Variants in CALB1 observed in about 807,000 individuals in gnomAD.
CALB1 encodes calbindin 1.
In CALB1, 16 loss-of-function variants were observed where a neutral mutation model predicts 46.7. The ratio of observed to expected loss-of-function variants is 0.34; its 90% CI spans 0.23 to 0.52. The LOEUF is 0.52. Ranked by LOEUF, CALB1 falls within the 20% of genes least tolerant of loss-of-function variation. The probability of loss-of-function intolerance (pLI) is 0.95; values close to 1 mark genes in which losing one functional copy is unlikely to be tolerated. For synonymous variants in CALB1, 90 were observed against 112.8 expected (o/e 0.80, Z 1.28); for missense variants, 224 against 300.3 (o/e 0.75, Z 1.88).
chr8:90,063,706 G>T, intron 6 of CALB1: 1 of 434,430 alleles, frequency 2.3e-6, no homozygotes, highest in Non-Finnish European at 4.1e-6. Flanking sequence ...TATGTTTCTA[G>T]AATACTGTCA....
intron 2 of CALB1, 22 bp from the exon 3 acceptor site, chr8:90,078,469 T>C (rs1814659563): frequency 7.1e-7 from 1 of 1,404,852 alleles, no homozygotes; most frequent in Non-Finnish European, 9.9e-7. Context: ...TAAAAGCAGG[T>C]AGGAGGTTTG....
At chr8:90,071,816 C>T (rs1335801796) in intron 3 of CALB1, among the ~76,000 whole-genome samples, 1 of 152,096 alleles carries the variant, frequency 6.6e-6, no homozygotes, top group Non-Finnish European at 1.5e-5. Flanking sequence ...AAATAGCTAA[C>T]CCCAACTCGT....
chr8:90,060,558 G>T, intron 10 of CALB1, 71 bp downstream of exon 10: 3 of 1,148,118 alleles, frequency 2.6e-6, no homozygotes, highest in Non-Finnish European at 3.9e-6. Flanking sequence ...TTCCAAAATG[G>T]ATGTGCTGTT....
chr8:90,067,629 C>T (rs116646571), intron 5 of CALB1, among the ~76,000 whole-genome samples: 284 of 152,186 alleles, frequency 1.9e-3, no homozygotes, highest in Middle Eastern at 6.8e-3. Context: ...CAAATGTCCC[C>T]GTTCCATCTT....
At position 90,060,018 on chromosome 8, in the gene CALB1, G is replaced by A; in HGVS notation, c.*155C>T. On this transcript the variant is annotated 3_prime_UTR_variant, in exon 11 of 11. Transcript: ENST00000265431. ...AAAACTGTATATTACAAACAGTATAGAAACAAGCTGAAAAGAATGAGCCAC... is the reference window on the plus strand; with the variant it reads ...AAAACTGTATATTACAAACAGTATAAAAACAAGCTGAAAAGAATGAGCCAC... 2 of 603,612 alleles carry A rather than the reference G, an allele frequency of 3.3e-6. No homozygotes were observed. Among genetic ancestry groups the A allele is most frequent in the Non-Finnish European group, 5.9e-6 (2 of 338,266 alleles). The allele number at this position is 603,612 out of a possible 1,614,324, so 37.4% of individuals were successfully genotyped here. A position where few individuals can be genotyped will look rare whatever the true frequency, so the allele number is the denominator to read the frequency against.
At chr8:90,080,566 T>C (rs1298718741) in intron 2 of CALB1, among the ~76,000 whole-genome samples, 3 of 151,966 alleles carry the variant, frequency 2.0e-5, no homozygotes, top group Non-Finnish European at 2.9e-5. Context: ...CAGTATTGCA[T>C]AAATTTATTT....
chr8:90,070,265 A>G (rs1814486249), intron 3 of CALB1, among the ~76,000 whole-genome samples: 1 of 152,120 alleles, frequency 6.6e-6, no homozygotes, highest in Admixed American at 6.5e-5. Flanking sequence ...TAATGAATCT[A>G]CACACACTAT....
Position 90,082,748 on chromosome 8 carries a change from C to A in CALB1, c.-51G>T. 6.5e-7 allele frequency: 1 copy of A among 1,541,088 alleles called. No homozygotes were observed. Among genetic ancestry groups the A allele is most frequent in the Non-Finnish European group, 9.0e-7 (1 of 1,114,086 alleles). On this transcript the variant is annotated 5_prime_UTR_variant, in exon 1 of 11. Coordinates refer to ENST00000265431, the MANE Select transcript of CALB1 (RefSeq NM_004929.4). Reference sequence around the variant, plus strand: ...GTGTGAATATGCGTGTGTCTGTGTCCGCGCGAGGGGGAGTGAGCAAAAGCT... The same window carrying A: ...GTGTGAATATGCGTGTGTCTGTGTCAGCGCGAGGGGGAGTGAGCAAAAGCT...
Position 90,082,717 on chromosome 8 carries a change from C to G in CALB1, c.-20G>C, listed in dbSNP as rs1390627562. The G allele has an allele frequency of 6.2e-7, 1 of 1,608,568 alleles. No individual in the cohort carries two copies. The highest frequency in any genetic ancestry group is 8.5e-7 in the Non-Finnish European group (1 of 1,175,104). On this transcript the variant is annotated 5_prime_UTR_variant, in exon 1 of 11. Coordinates refer to ENST00000265431, the MANE Select transcript of CALB1 (RefSeq NM_004929.4). ...TGCCATTGTACAGCGGGGTGTGTGTCTGGGTGTGTGAATATGCGTGTGTCT... is the reference window on the plus strand; with the variant it reads ...TGCCATTGTACAGCGGGGTGTGTGTGTGGGTGTGTGAATATGCGTGTGTCT...
chr8:90,078,716 G>A (rs969097822), intron 2 of CALB1, among the ~76,000 whole-genome samples: 14 of 152,064 alleles, frequency 9.2e-5, no homozygotes, highest in African/African-American at 3.1e-4. Flanking sequence ...CTTTGAAAGT[G>A]TAGTCAGAAT....
At chr8:90,063,492 T>C (rs1341662854) in intron 6 of CALB1, 31 bp from the exon 7 acceptor site, 3 of 1,569,070 alleles carry the variant, frequency 1.9e-6, no homozygotes, top group Non-Finnish European at 2.6e-6. Context: ...ATTCTAGCTA[T>C]TTGAGGAATA....
chr8:90,074,710 G>A (rs899791812), intron 3 of CALB1, among the ~76,000 whole-genome samples: 1 of 152,130 alleles, frequency 6.6e-6, no homozygotes, highest in African/African-American at 2.4e-5. Flanking sequence ...TCCCTGGGAG[G>A]GTTGTTACAG....
intron 3 of CALB1, among the ~76,000 whole-genome samples, chr8:90,072,608 C>T (rs1291380756): frequency 3.3e-5 from 5 of 152,076 alleles, no homozygotes; most frequent in Non-Finnish European, 7.4e-5. Flanking sequence ...TGTTGTCTCT[C>T]GGTTCTTCTC....
rs759346303 is a variant in CALB1 at position 90,063,171 on chromosome 8, A to C, written c.547-18T>G. The C allele has an allele frequency of 6.3e-7, 1 of 1,588,168 alleles. No individual in the cohort carries two copies. Among genetic ancestry groups the C allele is most frequent in the Non-Finnish European group, 8.6e-7 (1 of 1,157,730 alleles). ...TTGATTCCCTAAAGATAGAGAAGAGAGTAAATGTTAAAATGTTATTACTAT... is the reference window on the plus strand; with the variant it reads ...TTGATTCCCTAAAGATAGAGAAGAGCGTAAATGTTAAAATGTTATTACTAT... On this transcript the variant is annotated intron_variant, in intron 8 of 10. Transcript: ENST00000265431.
chr8:90,082,719 G>C lies in CALB1; in HGVS notation c.-22C>G. Reference sequence around the variant, plus strand: ...CCATTGTACAGCGGGGTGTGTGTCTGGGTGTGTGAATATGCGTGTGTCTGT... The same window carrying C: ...CCATTGTACAGCGGGGTGTGTGTCTCGGTGTGTGAATATGCGTGTGTCTGT... On this transcript the variant is annotated 5_prime_UTR_variant, in exon 1 of 11. Transcript: ENST00000265431. The C allele has an allele frequency of 6.2e-7, 1 of 1,607,032 alleles. No individual in the cohort carries two copies. The highest frequency in any genetic ancestry group is 8.5e-7 in the Non-Finnish European group (1 of 1,173,510).
intron 6 of CALB1, 62 bp from the exon 7 acceptor site, chr8:90,063,523 G>A (rs1181117976): frequency 1.5e-6 from 2 of 1,375,414 alleles, no homozygotes; most frequent in African/African-American, 2.9e-5. Context: ...TGAAGGAGAT[G>A]AACTTCAAAA....
rs199544024 is a variant in CALB1 at position 90,078,481 on chromosome 8, T to TA, written c.157-35dup. The TA allele has an allele frequency of 1.4e-3, 1,787 of 1,232,616 alleles. 17 individuals are homozygous for TA. In the African/African-American group the frequency reaches 0.021, roughly 15 times the overall value. 76.4% of individuals were successfully genotyped at this position (1,232,616 alleles called of 1,614,324 possible). A position where few individuals can be genotyped will look rare whatever the true frequency, so the allele number is the denominator to read the frequency against. On this transcript the variant is annotated intron_variant, in intron 2 of 10. Transcript: ENST00000265431. ...ATATAAAAGCAGGTAGGAGGTTTGT[T>TA]AAAAAAATACCAGTTATGCTTGTGA...
intron 5 of CALB1, among the ~76,000 whole-genome samples, chr8:90,068,384 T>C (rs1484040350): frequency 6.6e-6 from 1 of 152,232 alleles, no homozygotes; most frequent in Non-Finnish European, 1.5e-5. Flanking sequence ...AGTTTAATTT[T>C]AGAAGATTTT....
At chr8:90,063,205 A>G (rs1436782280) in intron 8 of CALB1, 52 bp from the exon 9 acceptor site, 26 of 1,536,702 alleles carry the variant, frequency 1.7e-5, no homozygotes, top group Non-Finnish European at 2.3e-5. Context: ...ATGTTTCAGT[A>G]TGTTTCCCTT....
Sources: allele counts gnomAD v4.1 joint callset (sites outside exome capture counted in the v4.1 genomes callset), GRCh38; gene constraint gnomAD v4.1.1; transcripts MANE v1.5; gene names NCBI Gene and HGNC (gene_info 2026-07-23, HGNC 2026-07-21).